Variants in KDM5B observed in about 807,000 individuals in gnomAD.
The protein encoded by KDM5B is lysine-specific demethylase 5B.
KDM5B carries 144 observed loss-of-function variants against 193.4 expected under a neutral mutation model. The observed-to-expected ratio is 0.74, with a 90% CI of 0.65 to 0.86. The LOEUF is 0.86. Ranked by LOEUF, KDM5B falls within the 40% of genes least tolerant of loss-of-function variation. The pLI is 0.00. For missense variants in KDM5B, 1,833 were observed against 1,886.9 expected (o/e 0.97, Z 0.53); for synonymous variants, 668 against 682.6 (o/e 0.98, Z 0.33).
intron 11 of KDM5B, among the ~76,000 whole-genome samples, chr1:202,753,751 C>T (rs182620250): frequency 6.7e-6 from 1 of 149,402 alleles, no homozygotes; most frequent in Admixed American, 6.7e-5. Flanking sequence ...CTCACTGCAA[C>T]CTCCACCTCC....
At chr1:202,791,166 T>C (rs954046060) in intron 1 of KDM5B, among the ~76,000 whole-genome samples, 3 of 152,206 alleles carry the variant, frequency 2.0e-5, no homozygotes, top group Non-Finnish European at 4.4e-5. Context: ...AAATGCTTTA[T>C]TTCTTTCAAA....
intron 4 of KDM5B, among the ~76,000 whole-genome samples, chr1:202,767,877 A>G (rs184579823): frequency 6.7e-4 from 102 of 152,252 alleles, no homozygotes; most frequent in East Asian, 2.5e-3. Context: ...TAAGCTCCCA[A>G]AACAATTTTC....
At chr1:202,783,012 A>G (rs548411772) in intron 1 of KDM5B, among the ~76,000 whole-genome samples, 4 of 152,212 alleles carry the variant, frequency 2.6e-5, no homozygotes, top group Non-Finnish European at 5.9e-5. Flanking sequence ...TTCGGAGGCC[A>G]AGGCAGGAGG....
chr1:202,780,554 A>G (rs569908081), intron 1 of KDM5B, among the ~76,000 whole-genome samples: 27 of 152,276 alleles, frequency 1.8e-4, no homozygotes, highest in African/African-American at 5.3e-4. Context: ...ACCTCAATAT[A>G]GGCAAAAGGA....
chr1:202,794,242 A>G (rs1333367105), intron 1 of KDM5B, among the ~76,000 whole-genome samples: 1 of 152,242 alleles, frequency 6.6e-6, no homozygotes, highest in African/African-American at 2.4e-5. Context: ...ATGAGTTGGT[A>G]TAACCACAGA....
intron 1 of KDM5B, chr1:202,796,331 G>T: frequency 2.7e-6 from 1 of 369,674 alleles, no homozygotes; most frequent in Non-Finnish European, 5.4e-6. Context: ...AGCTTCACTG[G>T]CACCTTGGAT....
At chr1:202,769,995 C>T (rs868732988) in intron 4 of KDM5B, among the ~76,000 whole-genome samples, 5 of 152,120 alleles carry the variant, frequency 3.3e-5, no homozygotes, top group African/African-American at 9.7e-5. Context: ...ATGCTATATA[C>T]GTGGTTCCTA....
Position 202,744,224 on chromosome 1 carries a change from A to G in KDM5B, c.2324-1419T>C, listed in dbSNP as rs558515240. On this transcript the variant is annotated intron_variant, in intron 16 of 26. Transcript: ENST00000367265. ...ACGTATGGCCAACAATCATATGAAA[A>G]AAAGCTCAACATCACTGATCATTAG... 1.3e-3 allele frequency among the ~76,000 whole-genome samples: 203 copies of G among 152,360 alleles called. 1 individual carries two copies. Among genetic ancestry groups the G allele is most frequent in the African/African-American group, 4.5e-3 (188 of 41,600 alleles).
intron 16 of KDM5B, among the ~76,000 whole-genome samples, chr1:202,743,058 G>A (rs767263021): frequency 1.3e-5 from 2 of 152,026 alleles, no homozygotes; most frequent in Non-Finnish European, 2.9e-5. Flanking sequence ...GTTTTAGGGC[G>A]GGTACAGTGG....
chr1:202,737,169 ATGAT>A (rs1254821990), intron 20 of KDM5B, among the ~76,000 whole-genome samples: 2 of 152,236 alleles, frequency 1.3e-5, no homozygotes, highest in Admixed American at 6.5e-5. Context: ...CCACTCACCA[ATGAT>A]TAATTAAAGC....
intron 9 of KDM5B, 45 bp downstream of exon 9, chr1:202,758,345 CA>C: frequency 6.6e-7 from 1 of 1,506,710 alleles, no homozygotes. Context: ...CACTTTTCTC[CA>C]AAAGCTATTA....
chr1:202,759,704 T>C (rs886530051), intron 8 of KDM5B, among the ~76,000 whole-genome samples: 5 of 152,178 alleles, frequency 3.3e-5, no homozygotes, highest in Admixed American at 6.5e-5. Context: ...TAATTACTTA[T>C]ATAATGTAGC....
chr1:202,744,732 A>AGT (rs1417382361), intron 16 of KDM5B, among the ~76,000 whole-genome samples: 1 of 152,242 alleles, frequency 6.6e-6, no homozygotes, highest in Non-Finnish European at 1.5e-5. Context: ...TGTGGAAGAC[A>AGT]GTGTGGTGAT....
In KDM5B at chr1:202,779,636, C is replaced by T. The variant is rs932319718; in HGVS notation, c.205-2542G>A. 2.0e-5 allele frequency among the ~76,000 whole-genome samples: 3 copies of T among 151,984 alleles called. No homozygotes were observed. The South Asian group carries it at 6.2e-4, about 32-fold the overall frequency. The stretch of plus-strand genomic sequence containing the variant: ...CCAACATGGCAAAACCCCGTCTCTA[C>T]TAAAAATACACAAAAAATTAGCCGG... On this transcript the variant is annotated intron_variant, in intron 1 of 26. Coordinates refer to ENST00000367265, the MANE Select transcript of KDM5B (RefSeq NM_006618.5).
intron 21 of KDM5B, 88 bp downstream of exon 21, chr1:202,736,125 T>G: frequency 1.1e-6 from 1 of 947,898 alleles, no homozygotes; most frequent in South Asian, 2.2e-5. Flanking sequence ...TAGATTAATC[T>G]GTGATGTCAT....
intron 19 of KDM5B, 86 bp downstream of exon 19, chr1:202,741,281 T>C: frequency 6.5e-6 from 6 of 927,000 alleles, no homozygotes; most frequent in East Asian, 2.6e-5. Context: ...TACTGAGCAC[T>C]TGCCATAGAC....
At chr1:202,798,163 T>G (rs1441735904) in intron 1 of KDM5B, among the ~76,000 whole-genome samples, 1 of 152,176 alleles carries the variant, frequency 6.6e-6, no homozygotes, top group African/African-American at 2.4e-5. Flanking sequence ...CACATCATGC[T>G]GCACTCCAGC....
At position 202,750,685 on chromosome 1, in the gene KDM5B, C is replaced by T. The variant is rs749076038; in HGVS notation, c.1795G>A (p.Ala599Thr). The change falls in exon 13 of 27, where the codon GCT becomes ACT. Residue 599 changes from alanine (A) to threonine (T), a missense_variant. Physicochemically the swap from Ala to Thr is moderately conservative, Grantham distance 58 (BLOSUM62 0). Coordinates refer to ENST00000367265, the MANE Select transcript of KDM5B (RefSeq NM_006618.5). ...CAATCAACAGTGCAGAAGTTAACAG[C>T]CTCAGCAAAATTAAAACCCTGGTTA... ...GFNQGFNFAE[A>T]VNFCTVDWLP... 1 of 1,613,958 alleles carries T rather than the reference C, an allele frequency of 6.2e-7. No individual in the cohort carries two copies. Among genetic ancestry groups the T allele is most frequent in the Non-Finnish European group, 8.5e-7 (1 of 1,179,898 alleles).
rs1405977989 is a variant in KDM5B at position 202,808,041 on chromosome 1, C to T, written c.204+61G>A. The T allele has an allele frequency of 3.2e-6, 5 of 1,554,214 alleles. No individual in the cohort carries two copies. The East Asian group carries it at 1.2e-4, about 37-fold the overall frequency. Reference sequence around the variant, plus strand: ...CCCCGCGCCTCGGGCCTCCCCGGACCCGCGCGTCCCCGCTCCCTCCCCCAG... The same window carrying T: ...CCCCGCGCCTCGGGCCTCCCCGGACTCGCGCGTCCCCGCTCCCTCCCCCAG... On this transcript the variant is annotated intron_variant, in intron 1 of 26. Transcript: ENST00000367265.
Sources: allele counts gnomAD v4.1 joint callset (sites outside exome capture counted in the v4.1 genomes callset), GRCh38; gene constraint gnomAD v4.1.1; transcripts MANE v1.5; gene names NCBI Gene and HGNC (gene_info 2026-07-23, HGNC 2026-07-21).